CENPP: variants seen among roughly 807,000 people sequenced by gnomAD.
CENPP encodes centromere protein P.
A neutral mutation model predicts 35.6 loss-of-function variants in CENPP; 24 were observed. The ratio of observed to expected loss-of-function variants is 0.67; its 90% CI spans 0.49 to 0.95. CENPP has a LOEUF of 0.95. Among genes scored for constraint, CENPP ranks in the 40% least tolerant of loss-of-function variants. The pLI, the probability that CENPP is intolerant of heterozygous loss-of-function variation, is 0.00. For synonymous variants in CENPP, 120 were observed against 125.5 expected (o/e 0.96, Z 0.29); for missense variants, 332 against 345.3 (o/e 0.96, Z 0.31).
chr9:92,572,551 CT>C (rs1332796440), intron 5 of CENPP, among the ~76,000 whole-genome samples: 2 of 152,190 alleles, frequency 1.3e-5, no homozygotes, highest in African/African-American at 2.4e-5. Flanking sequence ...TTTGGTGAAT[CT>C]GACAATTATG....
chr9:92,390,587 T>TGTGTGCGCGCGCGC (rs749697394), intron 5 of CENPP, among the ~76,000 whole-genome samples: 1 of 141,814 alleles, frequency 7.1e-6, no homozygotes, highest in Admixed American at 7.2e-5. Context: ...TGTGTGTGTG[T>TGTGTGCGCGCGCGC]GCGCGCGCGC....
intron 5 of CENPP, among the ~76,000 whole-genome samples, chr9:92,591,290 C>T (rs1850657679): frequency 6.6e-6 from 1 of 151,854 alleles, no homozygotes; most frequent in South Asian, 2.1e-4. Flanking sequence ...GTGATGGCGG[C>T]CGCCTGTAGT....
chr9:92,576,909 A>C (rs1161076553), intron 5 of CENPP, among the ~76,000 whole-genome samples: 1 of 152,214 alleles, frequency 6.6e-6, no homozygotes, highest in Non-Finnish European at 1.5e-5. Context: ...TGCACCAAAA[A>C]TACTAACAAA....
intron 5 of CENPP, among the ~76,000 whole-genome samples, chr9:92,532,654 T>C (rs780950607): frequency 6.6e-6 from 1 of 152,214 alleles, no homozygotes; most frequent in Non-Finnish European, 1.5e-5. Context: ...GTTCTTTTAT[T>C]GTATTTTCTA....
At chr9:92,510,972 A>G (rs1847297704) in intron 5 of CENPP, among the ~76,000 whole-genome samples, 1 of 152,188 alleles carries the variant, frequency 6.6e-6, no homozygotes, top group East Asian at 1.9e-4. Flanking sequence ...TGGGTGGAAG[A>G]CCCAGAAGAC....
At chr9:92,396,937 A>C (rs1842915763) in intron 5 of CENPP, among the ~76,000 whole-genome samples, 1 of 152,052 alleles carries the variant, frequency 6.6e-6, no homozygotes, top group Admixed American at 6.6e-5. Context: ...GCACTTTTAG[A>C]GGCTGAGGCA....
intron 5 of CENPP, among the ~76,000 whole-genome samples, chr9:92,573,853 G>A (rs536884637): frequency 2.6e-4 from 39 of 152,340 alleles, no homozygotes; most frequent in African/African-American, 9.1e-4. Context: ...TCAGACTGCT[G>A]TGCTAGCAGT....
intron 4 of CENPP, among the ~76,000 whole-genome samples, chr9:92,363,917 C>T (rs1473310493): frequency 1.3e-5 from 2 of 151,754 alleles, no homozygotes; most frequent in Non-Finnish European, 1.5e-5. Context: ...GGTGCAAACC[C>T]GGCTCACTGC....
chr9:92,411,174 G>A (rs949138126), intron 5 of CENPP, among the ~76,000 whole-genome samples: 7 of 152,136 alleles, frequency 4.6e-5, no homozygotes, highest in African/African-American at 1.7e-4. Context: ...GGGTTTCACT[G>A]TGTTAGCCAG....
chr9:92,374,281 GTA>G (rs71362383), intron 4 of CENPP, among the ~76,000 whole-genome samples: 142 of 143,828 alleles, frequency 9.9e-4, no homozygotes, highest in Middle Eastern at 3.6e-3. Flanking sequence ...GTGTGTGTGT[GTA>G]TGTGAACCCC....
rs137950239 is a variant in CENPP, at chr9:92,372,658, G to A, written c.468-7105G>A. Among the ~76,000 whole-genome samples the A allele has an allele frequency of 1.1e-4, 17 of 152,230 alleles. No individual in the cohort carries two copies. In the East Asian group the frequency reaches 2.9e-3, roughly 26 times the overall value. ...TGAATTCTTTTAGCATTTGTGTTGG[G>A]ATGACTTTATTTCTCTTTCATTTAT... On this transcript the variant is annotated intron_variant, in intron 4 of 7. Coordinates refer to ENST00000375587, the MANE Select transcript of CENPP (RefSeq NM_001012267.3).
At chr9:92,582,601 C>A (rs1316558879) in intron 5 of CENPP, among the ~76,000 whole-genome samples, 1 of 151,114 alleles carries the variant, frequency 6.6e-6, no homozygotes, top group Non-Finnish European at 1.5e-5. Context: ...CTTTTATTAT[C>A]TGTGTTCAAT....
intron 5 of CENPP, chr9:92,514,619 A>G (rs752287112): frequency 6.4e-7 from 1 of 1,551,046 alleles, no homozygotes; most frequent in East Asian, 2.3e-5. Flanking sequence ...AGCAGAAGTC[A>G]ACATCTCTTA....
chr9:92,417,708 G>C lies in CENPP; in HGVS notation c.564+37849G>C. 2 of 560,868 alleles carry C rather than the reference G, an allele frequency of 3.6e-6. 1 individual carries two copies. Among genetic ancestry groups the C allele is most frequent in the South Asian group, 7.7e-5 (2 of 25,864 alleles). The allele number at this position is 560,868 out of a possible 1,614,324, so 34.7% of individuals were successfully genotyped here. On this transcript the variant is annotated intron_variant, in intron 5 of 7. Transcript: ENST00000375587. ...AAAGAATATCCAGAAAGAATGGGCA[G>C]TGCTCAAACCAAAATTTTTTTCTTT...
chr9:92,531,616 A>T (rs982343643), intron 5 of CENPP, among the ~76,000 whole-genome samples: 1 of 152,182 alleles, frequency 6.6e-6, no homozygotes, highest in Non-Finnish European at 1.5e-5. Flanking sequence ...AGATGCCATT[A>T]GTACCTTCCT....
At chr9:92,394,617 T>C (rs1842818617) in intron 5 of CENPP, among the ~76,000 whole-genome samples, 1 of 152,004 alleles carries the variant, frequency 6.6e-6, no homozygotes, top group Admixed American at 6.6e-5. Context: ...TTTTTTTCTT[T>C]TTTTTGAGAT....
intron 4 of CENPP, among the ~76,000 whole-genome samples, chr9:92,376,553 T>C (rs2130862157): frequency 6.6e-6 from 1 of 152,156 alleles, no homozygotes; most frequent in East Asian, 1.9e-4. Context: ...CAAATGCAGG[T>C]TTTACAGATG....
intron 5 of CENPP, among the ~76,000 whole-genome samples, chr9:92,574,941 G>A (rs1470179452): frequency 2.0e-5 from 3 of 152,208 alleles, no homozygotes; most frequent in Non-Finnish European, 4.4e-5. Context: ...TTTGACTAAT[G>A]TGCCAAGACC....
At chr9:92,547,691 A>G (rs576995592) in intron 5 of CENPP, among the ~76,000 whole-genome samples, 18 of 152,228 alleles carry the variant, frequency 1.2e-4, no homozygotes, top group Non-Finnish European at 2.6e-4. Flanking sequence ...TAATGGGTAC[A>G]GGGTTTCTTT....
Sources: allele counts gnomAD v4.1 joint callset (sites outside exome capture counted in the v4.1 genomes callset), GRCh38; gene constraint gnomAD v4.1.1; transcripts MANE v1.5; gene names NCBI Gene and HGNC (gene_info 2026-07-23, HGNC 2026-07-21).